The following SPMIP4 variants were observed in gnomAD, a reference collection of about 807,000 sequenced individuals.
The protein encoded by SPMIP4 is sperm microtubule inner protein 4.
the SPMIP4 span, among the ~76,000 whole-genome samples, chr7:25,147,733 C>T: frequency 5.9e-5 from 9 of 152,184 alleles, no homozygotes; most frequent in Middle Eastern, 3.2e-3. Flanking sequence ...AGTATTATAA[C>T]CATTGTAATA....
chr7:25,161,587 A>G, the SPMIP4 span, among the ~76,000 whole-genome samples: 54,678 of 148,952 alleles, frequency 0.37, 12,150 homozygotes, highest in Non-Finnish European at 0.5. Flanking sequence ...TCTTTTTTAA[A>G]ATGTTAGAAC....
At chr7:25,157,894 T>C in the SPMIP4 span, among the ~76,000 whole-genome samples, 8 of 152,142 alleles carry the variant, frequency 5.3e-5, no homozygotes, top group Non-Finnish European at 8.8e-5. Context: ...ATGTTAACAA[T>C]AGGGGAAGCT....
chr7:25,166,728 C>T, the SPMIP4 span, among the ~76,000 whole-genome samples: 3 of 150,490 alleles, frequency 2.0e-5, no homozygotes, highest in South Asian at 2.1e-4. Context: ...GTTTTAGTCT[C>T]TACTAAAAAT....
the SPMIP4 span, chr7:25,161,039 G>C: frequency 3.9e-6 from 2 of 515,728 alleles, no homozygotes; most frequent in Non-Finnish European, 6.9e-6. Flanking sequence ...TGTTTGTTTG[G>C]TCTTGGTTTC....
At chr7:25,130,312 CTT>C in the SPMIP4 span, among the ~76,000 whole-genome samples, 13 of 131,656 alleles carry the variant, frequency 9.9e-5, no homozygotes, top group Non-Finnish European at 8.0e-5. Flanking sequence ...GTTATCACTT[CTT>C]TTTTTTTTTT....
the SPMIP4 span, chr7:25,136,034 T>C: frequency 6.2e-7 from 1 of 1,613,866 alleles, no homozygotes; most frequent in Non-Finnish European, 8.5e-7. The surrounding 1 kb of genome is among the most constrained non-coding windows in gnomAD (Gnocchi z 5.7). Context: ...GAATGCTCAT[T>C]ATCCCTGAGG....
chr7:25,176,747 T>C, the SPMIP4 span, among the ~76,000 whole-genome samples: 1 of 152,246 alleles, frequency 6.6e-6, no homozygotes, highest in African/African-American at 2.4e-5. This position sits in a 1 kb window ranked among gnomAD's most constrained non-coding sequence, Gnocchi z 4.4. Flanking sequence ...AAATAAAGAA[T>C]TTGTTTTCCT....
At chr7:25,138,246 C>CT in the SPMIP4 span, among the ~76,000 whole-genome samples, 1 of 152,080 alleles carries the variant, frequency 6.6e-6, no homozygotes, top group African/African-American at 2.4e-5. The surrounding 1 kb of genome is among the most constrained non-coding windows in gnomAD (Gnocchi z 6.2). Context: ...GATCAGAAAA[C>CT]TTTTTTCTGT....
the SPMIP4 span, among the ~76,000 whole-genome samples, chr7:25,175,851 G>A: frequency 6.6e-6 from 1 of 152,128 alleles, no homozygotes; most frequent in African/African-American, 2.4e-5. Context: ...TGTTATCACC[G>A]TCCAGAGCCG....
chr7:25,157,408 G>A, the SPMIP4 span, among the ~76,000 whole-genome samples: 32,504 of 152,188 alleles, frequency 0.21, 5,550 homozygotes, highest in African/African-American at 0.47. Flanking sequence ...GTGGAAAGGA[G>A]GAAAGAAAGA....
the SPMIP4 span, among the ~76,000 whole-genome samples, chr7:25,154,481 T>C: frequency 6.6e-6 from 1 of 152,108 alleles, no homozygotes; most frequent in East Asian, 1.9e-4. Flanking sequence ...TAAAACACAT[T>C]CACAAAGACT....
chr7:25,145,120 G>A, the SPMIP4 span, among the ~76,000 whole-genome samples: 1 of 152,116 alleles, frequency 6.6e-6, no homozygotes, highest in East Asian at 1.9e-4. Context: ...GCACCACCAC[G>A]CCCGGCTAAT....
At chr7:25,136,828 A>G in the SPMIP4 span, 4 of 1,581,570 alleles carry the variant, frequency 2.5e-6, no homozygotes, top group Non-Finnish European at 2.6e-6. The surrounding 1 kb of genome is among the most constrained non-coding windows in gnomAD (Gnocchi z 5.7). Context: ...AAAAAAATTG[A>G]TCAGGGATAT....
At chr7:25,141,888 C>T in the SPMIP4 span, among the ~76,000 whole-genome samples, 22 of 152,080 alleles carry the variant, frequency 1.4e-4, no homozygotes, top group South Asian at 2.1e-4. Flanking sequence ...GAGGCGAGTG[C>T]CACCACGCCT....
At chr7:25,157,970 G>A in the SPMIP4 span, among the ~76,000 whole-genome samples, 1 of 152,108 alleles carries the variant, frequency 6.6e-6, no homozygotes, top group Admixed American at 6.5e-5. Flanking sequence ...AAAATTATAC[G>A]AAAATAAAAC....
chr7:25,128,847 C>T, the SPMIP4 span, among the ~76,000 whole-genome samples: 1 of 152,230 alleles, frequency 6.6e-6, no homozygotes, highest in South Asian at 2.1e-4. This position sits in a 1 kb window ranked among gnomAD's most constrained non-coding sequence, Gnocchi z 4.5. Context: ...TCTCTTTAGT[C>T]AGCAAGTGAT....
chr7:25,168,247 G>T, the SPMIP4 span: 1 of 1,545,166 alleles, frequency 6.5e-7, no homozygotes, highest in Non-Finnish European at 8.7e-7. Flanking sequence ...AAGAAAAATG[G>T]ATAATAAAGA....
chr7:25,143,288 G>T, the SPMIP4 span, among the ~76,000 whole-genome samples: 3 of 152,168 alleles, frequency 2.0e-5, no homozygotes, highest in Non-Finnish European at 4.4e-5. Context: ...GACGTAACTA[G>T]AGAGTTTTAT....
the SPMIP4 span, among the ~76,000 whole-genome samples, chr7:25,169,549 T>G: frequency 0.082 from 12,430 of 152,216 alleles, 1,723 homozygotes; most frequent in African/African-American, 0.28. Flanking sequence ...GTAGTATGTG[T>G]CCATACTCCA....
Sources: allele counts gnomAD v4.1 joint callset (sites outside exome capture counted in the v4.1 genomes callset), GRCh38; gene constraint gnomAD v4.1.1; non-coding constraint Gnocchi (gnomAD v3.1); transcripts MANE v1.5; gene names NCBI Gene and HGNC (gene_info 2026-07-23, HGNC 2026-07-21).